SPRING1: variants seen among roughly 807,000 people sequenced by gnomAD.
SPRING1 encodes the protein SREBP regulating gene protein.
A neutral mutation model predicts 24.7 loss-of-function variants in SPRING1; 14 were observed. That is an observed-to-expected ratio of 0.57 (90% CI 0.37 to 0.88). The LOEUF is 0.88. Ranked by LOEUF, SPRING1 falls within the 40% of genes least tolerant of loss-of-function variation. SPRING1 has a pLI of 0.00. For synonymous variants in SPRING1, 93 were observed against 106.1 expected, an observed-to-expected ratio of 0.88 and a Z score of 0.76; for missense variants, 255 against 268.4, an observed-to-expected ratio of 0.95 and a Z score of 0.35.
rs1305631376 is a variant in SPRING1, at chr12:116,720,207, A to G, written c.420+89T>C. The stretch of plus-strand genomic sequence containing the variant: ...GCTCCTTTCTAAGTTTTATTTTCAG[A>G]GGAATCTCACATGAAGAGCCTAATG... On this transcript the variant is annotated intron_variant, in intron 3 of 4. Coordinates refer to ENST00000261318, the MANE Select transcript of SPRING1 (RefSeq NM_024738.4). This position sits in a 1 kb window ranked among gnomAD's most constrained non-coding sequence, Gnocchi z 4.0. 3 of 1,434,940 alleles carry G rather than the reference A, an allele frequency of 2.1e-6. No homozygotes were observed. The highest frequency in any genetic ancestry group is 2.8e-6 in the Non-Finnish European group (3 of 1,077,688). 88.9% of individuals were successfully genotyped at this position (1,434,940 alleles called of 1,614,324 possible).
At chr12:116,719,102 G>A (rs998602731) in intron 4 of SPRING1, among the ~76,000 whole-genome samples, 8 of 152,164 alleles carry the variant, frequency 5.3e-5, no homozygotes, top group Non-Finnish European at 5.9e-5. Flanking sequence ...TAATAAACAC[G>A]TCTGGTGATT....
intron 1 of SPRING1, among the ~76,000 whole-genome samples, chr12:116,729,062 G>A (rs339457): frequency 0.5 from 75,433 of 151,916 alleles, 19,544 homozygotes; most frequent in East Asian, 0.63. Context: ...CAATGAATTC[G>A]GTACATGAGT....
chr12:116,737,452 G>A (rs1192175955), intron 1 of SPRING1, among the ~76,000 whole-genome samples: 2 of 149,530 alleles, frequency 1.3e-5, no homozygotes, highest in Admixed American at 1.3e-4. Context: ...AAGGAAGAAA[G>A]ACGGAAGGGA....
Position 116,717,890 on chromosome 12 carries a change from C to G in SPRING1, c.538G>C (p.Val180Leu). ...TCCCGGTAGGTGTTCTCATGCTGCA[C>G]GCTCTGTTGGCAAAAGGAAAATAAG... ...LAKCRTSSQS[V>L]QHENTYRDPI... is the part of the protein sequence containing the mutation. Residue 180 changes from valine to leucine, a missense_variant, in exon 5 of 5, where the codon GTG becomes CTG. Val to Leu is a conservative substitution (Grantham distance 32, BLOSUM62 1). Coordinates refer to ENST00000261318, the MANE Select transcript of SPRING1 (RefSeq NM_024738.4). The surrounding 1 kb of genome is among the most constrained non-coding windows in gnomAD (Gnocchi z 4.2). The G allele has an allele frequency of 6.2e-7, 1 of 1,601,388 alleles. No homozygotes were observed.
At chr12:116,724,742 TAAC>T (rs759893891) in intron 1 of SPRING1, among the ~76,000 whole-genome samples, 21 of 152,198 alleles carry the variant, frequency 1.4e-4, no homozygotes, top group Non-Finnish European at 2.9e-4. Context: ...AACACTGGTA[TAAC>T]AATACTGTTA....
rs1425737503 is a variant in SPRING1 at position 116,712,439 on chromosome 12, G to C, written c.*5371C>G. On this transcript the variant is annotated 3_prime_UTR_variant, in exon 5 of 5. Coordinates refer to ENST00000261318, the MANE Select transcript of SPRING1 (RefSeq NM_024738.4). The stretch of plus-strand genomic sequence containing the variant: ...ATGTTGCAGATACATGCTGAATATA[G>C]GGATGCCTGTACACAAAACTGCACT... The C allele has an allele frequency of 6.6e-6, 1 of 152,168 alleles. No individual in the cohort carries two copies. Among genetic ancestry groups the C allele is most frequent in the Non-Finnish European group, 1.5e-5 (1 of 68,042 alleles). The allele number at this position is 152,168 out of a possible 1,614,324, so 9.4% of individuals were successfully genotyped here. A position where few individuals can be genotyped will look rare whatever the true frequency, so the allele number is the denominator to read the frequency against.
intron 1 of SPRING1, among the ~76,000 whole-genome samples, chr12:116,736,772 C>T (rs1474039239): frequency 1.3e-5 from 2 of 152,156 alleles, no homozygotes; most frequent in Non-Finnish European, 2.9e-5. Flanking sequence ...GTGCTCCTTG[C>T]TGTTTCTCCC....
At chr12:116,733,362 T>TTTTTTTTTTTTTTTTTTTTTTTTTTTTG in intron 1 of SPRING1, among the ~76,000 whole-genome samples, 1 of 146,714 alleles carries the variant, frequency 6.8e-6, no homozygotes, top group Admixed American at 6.7e-5. Context: ...TTTTGTATTT[T>TTTTTTTTTTTTTTTTTTTTTTTTTTTTG]CAGTAGAGAC....
intron 1 of SPRING1, among the ~76,000 whole-genome samples, chr12:116,733,210 G>A (rs955531136): frequency 2.0e-5 from 3 of 151,998 alleles, no homozygotes; most frequent in African/African-American, 7.3e-5. Context: ...TTTCTGAGAC[G>A]GAGTCTCTGT....
chr12:116,737,771 G>T lies in SPRING1; in HGVS notation c.111+19C>A. ...GGAAGGAAGAAGGGAAGGGGAGGAG[G>T]GGAAGGGCGGCCACTGACCTGCTTG... On this transcript the variant is annotated intron_variant, in intron 1 of 4. Coordinates refer to ENST00000261318, the MANE Select transcript of SPRING1 (RefSeq NM_024738.4). 1.9e-6 allele frequency: 3 copies of T among 1,550,488 alleles called. No homozygotes were observed. The highest frequency in any genetic ancestry group is 1.1e-5 in the South Asian group (1 of 87,690).
chr12:116,729,035 T>G (rs1216274345), intron 1 of SPRING1, among the ~76,000 whole-genome samples: 1 of 152,256 alleles, frequency 6.6e-6, no homozygotes, highest in Non-Finnish European at 1.5e-5. Flanking sequence ...TCGTTTTTAT[T>G]CATTTAAAAA....
chr12:116,737,796 GA>G lies in SPRING1; in HGVS notation c.104del (p.Phe35SerfsTer8). 1.3e-6 allele frequency: 2 copies of G among 1,586,538 alleles called. No homozygotes were observed. Among genetic ancestry groups the G allele is most frequent in the East Asian group, 2.5e-5 (1 of 40,284 alleles). ...LSLVYFLSST[F>X]KQEERAVRDR... ...GGGAAGGGCGGCCACTGACCTGCTT[GA>G]AGGTGCTGCTGAGGAAGTAGACGAG... On this transcript the variant is annotated frameshift_variant, in exon 1 of 5. Transcript: ENST00000261318. LOFTEE classifies it high-confidence loss of function.
chr12:116,735,879 A>G (rs1159429390), intron 1 of SPRING1, among the ~76,000 whole-genome samples: 1 of 151,880 alleles, frequency 6.6e-6, no homozygotes, highest in Non-Finnish European at 1.5e-5. Context: ...CGTTTCTACT[A>G]AAAATACAAA....
chr12:116,711,438 G>A lies in SPRING1; in HGVS notation c.*6372C>T, dbSNP rs529430490. ...TAGTCCCAGCTACTCGGGAGGCTGA[G>A]GCAGGAGAATGGCGTGAACCCAGGA... is the stretch of plus-strand genomic sequence containing the variant. On this transcript the variant is annotated 3_prime_UTR_variant, in exon 5 of 5. Transcript: ENST00000261318. 1 of 152,346 alleles carries A rather than the reference G, an allele frequency of 6.6e-6. No homozygotes were observed. The highest frequency in any genetic ancestry group is 1.9e-4 in the East Asian group (1 of 5,178). 9.4% of individuals were successfully genotyped at this position (152,346 alleles called of 1,614,324 possible).
At chr12:116,730,220 T>G (rs1166059590) in intron 1 of SPRING1, among the ~76,000 whole-genome samples, 1 of 151,324 alleles carries the variant, frequency 6.6e-6, no homozygotes, top group African/African-American at 2.4e-5. Context: ...TTTTTAATTT[T>G]TTTTTTGAGA....
chr12:116,724,736 C>G (rs939771433), intron 1 of SPRING1, among the ~76,000 whole-genome samples: 5 of 152,190 alleles, frequency 3.3e-5, no homozygotes, highest in Non-Finnish European at 7.3e-5. Context: ...TGAATGAACA[C>G]TGGTATAACA....
chr12:116,719,614 A>G, intron 4 of SPRING1, 149 bp downstream of exon 4: 2 of 613,760 alleles, frequency 3.3e-6, no homozygotes, highest in Non-Finnish European at 5.7e-6. Flanking sequence ...GACATTTTAA[A>G]TACTATCATC....
chr12:116,732,870 A>G (rs892046868), intron 1 of SPRING1, among the ~76,000 whole-genome samples: 3 of 152,256 alleles, frequency 2.0e-5, no homozygotes, highest in Admixed American at 1.3e-4. Flanking sequence ...CATCACAAAG[A>G]AACAGTAGCC....
chr12:116,735,858 T>G (rs1310506677), intron 1 of SPRING1, among the ~76,000 whole-genome samples: 1 of 151,444 alleles, frequency 6.6e-6, no homozygotes, highest in Non-Finnish European at 1.5e-5. Flanking sequence ...ATGACCAACA[T>G]GGAGAAACCC....
Sources: allele counts gnomAD v4.1 joint callset (sites outside exome capture counted in the v4.1 genomes callset), GRCh38; gene constraint gnomAD v4.1.1; non-coding constraint Gnocchi (gnomAD v3.1); transcripts MANE v1.5; gene names NCBI Gene and HGNC (gene_info 2026-07-23, HGNC 2026-07-21).